The following ASCC3 variants were observed in gnomAD, a reference collection of about 807,000 sequenced individuals.
ASCC3 encodes activating signal cointegrator 1 complex subunit 3.
Under a neutral mutation model 256.3 loss-of-function variants are expected in ASCC3, and 158 were observed. The ratio of observed to expected loss-of-function variants is 0.62; its 90% CI spans 0.54 to 0.70. The LOEUF (loss-of-function observed/expected upper bound fraction) is 0.70. Ranked by LOEUF, ASCC3 falls within the 30% of genes least tolerant of loss-of-function variation. The pLI, the probability that ASCC3 is intolerant of heterozygous loss-of-function variation, is 0.00. For missense variants in ASCC3, 2,259 were observed against 2,626.0 expected (o/e 0.86, Z 3.05); for synonymous variants, 948 against 883.4 (o/e 1.07, Z -1.30).
At chr6:100,671,295 C>A (rs1181841773) in intron 14 of ASCC3, among the ~76,000 whole-genome samples, 1 of 152,014 alleles carries the variant, frequency 6.6e-6, no homozygotes, top group African/African-American at 2.4e-5. Context: ...TCAGAAAAAT[C>A]ACTGCTTTTT....
chr6:100,610,157 CA>C (rs1419291903), intron 30 of ASCC3, among the ~76,000 whole-genome samples: 3 of 152,162 alleles, frequency 2.0e-5, no homozygotes, highest in African/African-American at 7.2e-5. Flanking sequence ...ATAGTAAATG[CA>C]TAACTTTTAT....
In ASCC3 at chr6:100,657,442, T is replaced by C. The variant is rs1775970649; in HGVS notation, c.2704-1624A>G. Among the ~76,000 whole-genome samples the C allele has an allele frequency of 4.0e-5, 6 of 151,580 alleles. No homozygotes were observed. In the South Asian group the frequency reaches 1.0e-3, roughly 26 times the overall value. On this transcript the variant is annotated intron_variant, in intron 16 of 41. Coordinates refer to ENST00000369162, the MANE Select transcript of ASCC3 (RefSeq NM_006828.4). The stretch of plus-strand genomic sequence containing the variant: ...AATGAAACTAGTTTGGTGATATAGC[T>C]AAAAATCTGAGAGTGTCTCTCCTTT...
chr6:100,762,715 T>C (rs1781473328), intron 10 of ASCC3, among the ~76,000 whole-genome samples: 1 of 152,170 alleles, frequency 6.6e-6, no homozygotes, highest in Admixed American at 6.5e-5. Context: ...TGAAGGTCCC[T>C]AGTGAACCAC....
intron 10 of ASCC3, among the ~76,000 whole-genome samples, chr6:100,747,952 C>G (rs1024170516): frequency 6.6e-6 from 1 of 151,888 alleles, no homozygotes; most frequent in East Asian, 1.9e-4. Context: ...TTACTATTTT[C>G]TTTTCTAATA....
At chr6:100,871,801 A>G (rs543125716) in intron 1 of ASCC3, among the ~76,000 whole-genome samples, 1 of 152,242 alleles carries the variant, frequency 6.6e-6, no homozygotes, top group East Asian at 1.9e-4. Context: ...GCCTTTCTCA[A>G]TGGGGGTCTG....
intron 36 of ASCC3, among the ~76,000 whole-genome samples, chr6:100,575,654 GATAT>G (rs1349681572): frequency 6.6e-6 from 1 of 151,716 alleles, no homozygotes; most frequent in Non-Finnish European, 1.5e-5. Flanking sequence ...TTTAATATTC[GATAT>G]ATAAATAAAA....
intron 13 of ASCC3, among the ~76,000 whole-genome samples, chr6:100,686,448 A>G (rs1777572408): frequency 6.6e-6 from 1 of 152,122 alleles, no homozygotes. Flanking sequence ...CAAATTCACA[A>G]TTTTAATCCC....
chr6:100,771,635 A>T (rs12175456), intron 8 of ASCC3, among the ~76,000 whole-genome samples: 83,266 of 151,658 alleles, frequency 0.55, 23,222 homozygotes, highest in South Asian at 0.75. Flanking sequence ...AAATATATAG[A>T]TGTCAAATAA....
At chr6:100,536,995 A>G (rs1225454282) in intron 37 of ASCC3, among the ~76,000 whole-genome samples, 1 of 152,218 alleles carries the variant, frequency 6.6e-6, no homozygotes, top group Non-Finnish European at 1.5e-5. Context: ...GAATGACTAA[A>G]AAAGAAAATC....
At chr6:100,803,654 C>T (rs1412423822) in intron 5 of ASCC3, among the ~76,000 whole-genome samples, 1 of 152,080 alleles carries the variant, frequency 6.6e-6, no homozygotes, top group Admixed American at 6.6e-5. Flanking sequence ...GACCTGCAGA[C>T]AAAATTGCTA....
chr6:100,761,293 T>C (rs1466688935), intron 10 of ASCC3, among the ~76,000 whole-genome samples: 1 of 152,040 alleles, frequency 6.6e-6, no homozygotes, highest in East Asian at 1.9e-4. Flanking sequence ...AGTTTGGGAA[T>C]AGCCTGGGCA....
At chr6:100,785,026 AT>A (rs11313677) in intron 8 of ASCC3, among the ~76,000 whole-genome samples, 52,531 of 151,934 alleles carry the variant, frequency 0.35, 10,739 homozygotes, top group Middle Eastern at 0.52. Flanking sequence ...GCACTGAAAA[AT>A]TACTAAATTT....
chr6:100,559,551 T>C (rs999532800), intron 36 of ASCC3, among the ~76,000 whole-genome samples: 1 of 152,132 alleles, frequency 6.6e-6, no homozygotes, highest in East Asian at 1.9e-4. Context: ...TCATTGGACG[T>C]ATAAATTCTG....
intron 37 of ASCC3, among the ~76,000 whole-genome samples, chr6:100,527,553 C>A (rs1319426196): frequency 6.6e-6 from 1 of 152,098 alleles, no homozygotes; most frequent in Admixed American, 6.6e-5. Context: ...CATCACCAAC[C>A]CACTGAGCCT....
At chr6:100,592,760 C>T (rs926333360) in intron 34 of ASCC3, among the ~76,000 whole-genome samples, 2 of 152,004 alleles carry the variant, frequency 1.3e-5, no homozygotes, top group Admixed American at 1.3e-4. Flanking sequence ...AATCACTTTA[C>T]TAACTTGAAA....
At chr6:100,723,896 ATTTATAATT>A (rs1779485180) in intron 11 of ASCC3, among the ~76,000 whole-genome samples, 3 of 123,166 alleles carry the variant, frequency 2.4e-5, no homozygotes, top group South Asian at 5.0e-4. Context: ...ATATATATAT[ATTTATAATT>A]ATATATATGA....
intron 13 of ASCC3, among the ~76,000 whole-genome samples, chr6:100,700,115 C>T (rs1177807690): frequency 6.6e-6 from 1 of 152,044 alleles, no homozygotes; most frequent in Non-Finnish European, 1.5e-5. Context: ...ATGTCAGAGA[C>T]CTTTGTGGCA....
chr6:100,761,802 C>T (rs922473435), intron 10 of ASCC3, among the ~76,000 whole-genome samples: 3 of 152,104 alleles, frequency 2.0e-5, no homozygotes, highest in African/African-American at 7.2e-5. Context: ...AAGCCCAATG[C>T]CAGGCAGAGA....
Position 100,644,795 on chromosome 6 carries a change from C to T in ASCC3, c.3634-666G>A, listed in dbSNP as rs1412996994. On this transcript the variant is annotated intron_variant, in intron 22 of 41. Coordinates refer to ENST00000369162, the MANE Select transcript of ASCC3 (RefSeq NM_006828.4). ...CATGACAAATACTGGCCCAATTAGACTGAAGAAAAGGTCTATGGTCCATGT... is the reference window on the plus strand; with the variant it reads ...CATGACAAATACTGGCCCAATTAGATTGAAGAAAAGGTCTATGGTCCATGT... 2.6e-5 allele frequency among the ~76,000 whole-genome samples: 4 copies of T among 152,266 alleles called. No individual in the cohort carries two copies. In the East Asian group the frequency reaches 7.7e-4, roughly 29 times the overall value.
Sources: allele counts gnomAD v4.1 joint callset (sites outside exome capture counted in the v4.1 genomes callset), GRCh38; gene constraint gnomAD v4.1.1; transcripts MANE v1.5; gene names NCBI Gene and HGNC (gene_info 2026-07-23, HGNC 2026-07-21).